SART3: variants seen among roughly 807,000 people sequenced by gnomAD.
The protein encoded by SART3 is spliceosome associated factor 3, U4/U6 recycling protein.
In SART3, 44 loss-of-function variants were observed where a neutral mutation model predicts 122.3. The ratio of observed to expected loss-of-function variants is 0.36; its 90% CI spans 0.28 to 0.46. The LOEUF is 0.46. Among genes scored for constraint, SART3 ranks in the 20% least tolerant of loss-of-function variants. The probability of loss-of-function intolerance (pLI) is 1.00; values close to 1 mark genes in which losing one functional copy is unlikely to be tolerated. For missense variants in SART3, 1,101 were observed against 1,229.0 expected, an observed-to-expected ratio of 0.90 and a Z score of 1.56; for synonymous variants, 442 against 454.0, an observed-to-expected ratio of 0.97 and a Z score of 0.34.
rs374932595 is a variant in SART3 at position 108,536,619 on chromosome 12, T to C, written c.1388-47A>G. 1.5e-4 allele frequency: 242 copies of C among 1,610,880 alleles called. No individual in the cohort carries two copies. The South Asian group carries it at 1.8e-3, about 12-fold the overall frequency. On this transcript the variant is annotated intron_variant, in intron 10 of 18. Transcript: ENST00000546815. ...AATTAGAAAGGAACTTGGAGACAGA[T>C]AGTCGCTGGCTGAAAAGGTACATCA...
In SART3 at chr12:108,523,519, C is replaced by T. The variant is rs770440201; in HGVS notation, c.2830G>A (p.Ala944Thr). Residue 944 changes from alanine (A) to threonine (T), a missense_variant, in exon 19 of 19, where the codon GCA becomes ACA. By Grantham distance (58) the Ala-to-Thr change is moderately conservative (BLOSUM62 0). Around this residue, in one of 2 missense-constraint regions of SART3, gnomAD observed 885 missense variants for 1,080.1 expected, o/e 0.82. Coordinates refer to ENST00000546815, the MANE Select transcript of SART3 (RefSeq NM_014706.4). The part of the protein sequence containing the change: ...PAAAPAVAAP[A>T]ATEAPKMSNA... Reference sequence around the variant, plus strand: ...GACATCTTGGGTGCCTCGGTGGCTGCTGGGGCGGCAACTGCAGGAGCCGCG... The same window carrying T: ...GACATCTTGGGTGCCTCGGTGGCTGTTGGGGCGGCAACTGCAGGAGCCGCG... 20 of 1,613,554 alleles carry T rather than the reference C, an allele frequency of 1.2e-5. No individual in the cohort carries two copies. Among genetic ancestry groups the T allele is most frequent in the Admixed American group, 8.3e-5 (5 of 60,004 alleles).
intron 12 of SART3, among the ~76,000 whole-genome samples, chr12:108,533,531 T>C (rs1249825641): frequency 6.6e-6 from 1 of 152,194 alleles, no homozygotes. Context: ...GCAGACATTT[T>C]TGAAAATTAA....
chr12:108,546,683 C>T (rs769099365), intron 3 of SART3, among the ~76,000 whole-genome samples: 11 of 151,976 alleles, frequency 7.2e-5, no homozygotes, highest in African/African-American at 1.7e-4. Context: ...CCACCCCGCC[C>T]GGCTAATTGT....
At chr12:108,545,881 G>A (rs560971118) in intron 3 of SART3, among the ~76,000 whole-genome samples, 10 of 147,476 alleles carry the variant, frequency 6.8e-5, no homozygotes, top group Middle Eastern at 3.5e-3. Flanking sequence ...CAGGAGAATC[G>A]CTTGAACCTG....
rs1249441150 is a variant in SART3 at position 108,523,199 on chromosome 12, T to C, written c.*258A>G. 3.5e-6 allele frequency: 2 copies of C among 574,828 alleles called. No individual in the cohort carries two copies. The highest frequency in any genetic ancestry group is 2.9e-5 in the East Asian group (1 of 34,046). The allele number at this position is 574,828 out of a possible 1,614,324, so 35.6% of individuals were successfully genotyped here. Reference sequence around the variant, plus strand: ...CGCTTCTGTGCCTCAGTCTTTAAGATACAAAACTATCTCAGGACACCACAT... The same window carrying C: ...CGCTTCTGTGCCTCAGTCTTTAAGACACAAAACTATCTCAGGACACCACAT... On this transcript the variant is annotated 3_prime_UTR_variant, in exon 19 of 19. Transcript: ENST00000546815.
intron 9 of SART3, 80 bp downstream of exon 9, chr12:108,537,408 T>C (rs565201221): frequency 7.8e-6 from 8 of 1,030,966 alleles, no homozygotes; most frequent in Middle Eastern, 2.2e-4. Flanking sequence ...TCACAATGTA[T>C]CTGGGGAACT....
chr12:108,530,004 G>T, intron 15 of SART3, 138 bp downstream of exon 15: 1 of 1,022,532 alleles, frequency 9.8e-7, no homozygotes, highest in Non-Finnish European at 1.5e-6. Flanking sequence ...TTGTTTGCAA[G>T]ACATACACCC....
intron 17 of SART3, chr12:108,524,993 C>A: frequency 7.0e-6 from 2 of 285,948 alleles, no homozygotes; most frequent in South Asian, 3.6e-5. Context: ...ACTTACTACT[C>A]AAAATGGGGC....
At chr12:108,532,638 G>A (rs897095866) in intron 12 of SART3, 3 of 371,590 alleles carry the variant, frequency 8.1e-6, no homozygotes, top group African/African-American at 6.3e-5. Flanking sequence ...ACATGGCGGG[G>A]GAGTCCAACA....
Position 108,525,540 on chromosome 12 carries a change from T to C in SART3, c.2440A>G (p.Lys814Glu), listed in dbSNP as rs1456562902. The C allele has an allele frequency of 3.1e-6, 5 of 1,614,054 alleles. No homozygotes were observed. In the African/African-American group the frequency reaches 6.7e-5, roughly 22 times the overall value. ...FISGLPFSCT[K>E]EELEEICKAH... ...TTACAGATTTCTTCTAGTTCCTCTT[T>C]AGTACAGGAGAAAGGCAGGCCTGAG... The change falls in exon 17 of 19, where the codon AAA becomes GAA. Residue 814 changes from lysine (K) to glutamate (E), a missense_variant. Physicochemically the swap from Lys to Glu is moderately conservative, Grantham distance 56. Around this residue, in one of 2 missense-constraint regions of SART3, gnomAD observed 885 missense variants for 1,080.1 expected, o/e 0.82. Coordinates refer to ENST00000546815, the MANE Select transcript of SART3 (RefSeq NM_014706.4).
At chr12:108,540,232 AAC>A (rs1220854262) in intron 6 of SART3, among the ~76,000 whole-genome samples, 1 of 152,252 alleles carries the variant, frequency 6.6e-6, no homozygotes, top group Non-Finnish European at 1.5e-5. Context: ...CAACAGCAAC[AAC>A]AGACATCAGA....
In SART3 at chr12:108,545,106, C is replaced by T. The variant is rs144117610; in HGVS notation, c.729+33G>A. ...TCCAAGGAGACTTACAAAGACAGCC[C>T]CAACCCGTTCAGAGACAACCACAGG... On this transcript the variant is annotated intron_variant, in intron 4 of 18. Coordinates refer to ENST00000546815, the MANE Select transcript of SART3 (RefSeq NM_014706.4). 13,266 of 1,607,282 alleles carry T rather than the reference C, an allele frequency of 8.3e-3. 74 individuals are homozygous for T. The highest frequency in any genetic ancestry group is 9.7e-3 in the Non-Finnish European group (11,442 of 1,173,896).
chr12:108,548,063 T>A, intron 2 of SART3, 72 bp from the exon 3 acceptor site: 1 of 1,283,120 alleles, frequency 7.8e-7, no homozygotes. Context: ...CCAAGAGACA[T>A]CAGCATGCAA....
At position 108,547,892 on chromosome 12, in the gene SART3, T is replaced by C. The variant is rs925762211; in HGVS notation, c.539A>G (p.Tyr180Cys). The C allele has an allele frequency of 1.6e-5, 26 of 1,612,486 alleles. No homozygotes were observed. The highest frequency in any genetic ancestry group is 2.0e-5 in the Non-Finnish European group (24 of 1,179,048). The part of the protein sequence containing the change: ...YDLFEKAVKD[Y>C]ICPNIWLEYG... ...AAAAGTCCACGGGAACTTACAAATGTAATCCTTCACGGCTTTCTCAAAGAG... is the reference window on the plus strand; with the variant it reads ...AAAAGTCCACGGGAACTTACAAATGCAATCCTTCACGGCTTTCTCAAAGAG... Residue 180 changes from tyrosine (Y) to cysteine (C), a missense_variant, in exon 3 of 19, where the codon TAC becomes TGC. Coordinates refer to ENST00000546815, the MANE Select transcript of SART3 (RefSeq NM_014706.4).
intron 1 of SART3, among the ~76,000 whole-genome samples, chr12:108,552,607 C>A (rs1331054199): frequency 6.7e-6 from 1 of 150,124 alleles, no homozygotes; most frequent in African/African-American, 2.4e-5. Flanking sequence ...TACAATCACT[C>A]CAAAAAACCT....
chr12:108,542,228 C>A (rs983171947), intron 6 of SART3, among the ~76,000 whole-genome samples: 2 of 152,158 alleles, frequency 1.3e-5, no homozygotes, highest in Non-Finnish European at 2.9e-5. Flanking sequence ...CAAGAAAATA[C>A]AAATTAAAAC....
In SART3 at chr12:108,525,444, C is replaced by T; in HGVS notation, c.2523+13G>A. On this transcript the variant is annotated intron_variant, in intron 17 of 18. Coordinates refer to ENST00000546815, the MANE Select transcript of SART3 (RefSeq NM_014706.4). The stretch of plus-strand genomic sequence containing the variant: ...AGCCTTGAAGACAAGGCACAATCTG[C>T]TCTGACTCTGACCTTTGGTTTGCCA... The T allele has an allele frequency of 6.2e-7, 1 of 1,614,064 alleles. No individual in the cohort carries two copies. Among genetic ancestry groups the T allele is most frequent in the South Asian group, 1.1e-5 (1 of 91,080 alleles).
chr12:108,547,842 T>C lies in SART3; in HGVS notation c.544+45A>G, dbSNP rs374624668. 65 of 1,369,108 alleles carry C rather than the reference T, an allele frequency of 4.7e-5. 1 individual carries two copies. In the East Asian group the frequency reaches 1.0e-3, roughly 21 times the overall value. 84.8% of individuals were successfully genotyped at this position (1,369,108 alleles called of 1,614,324 possible). A position where few individuals can be genotyped will look rare whatever the true frequency, so the allele number is the denominator to read the frequency against. On this transcript the variant is annotated intron_variant, in intron 3 of 18. Coordinates refer to ENST00000546815, the MANE Select transcript of SART3 (RefSeq NM_014706.4). ...TACAGTCCTCAACAGCAGACTGATA[T>C]ATATGACATTGCCAGATATCCAAAA...
Position 108,531,260 on chromosome 12 carries a change from T to C in SART3, c.1690A>G (p.Ile564Val), listed in dbSNP as rs755082369. The change falls in exon 14 of 19, where the codon ATA (isoleucine) becomes GTA (valine). Residue 564 changes from isoleucine (I) to valine (V), a missense_variant. Transcript: ENST00000546815. ...CGGGTTTCAGTTTTCTGAACAGCTA[T>C]ATCCCAATCTTCTAAAGAACCTTGA... is the stretch of plus-strand genomic sequence containing the variant. ...RTEGSLEDWD[I>V]AVQKTETRLA... is the part of the protein sequence containing the mutation. 5 of 1,613,682 alleles carry C rather than the reference T, an allele frequency of 3.1e-6. No homozygotes were observed. Among genetic ancestry groups the C allele is most frequent in the East Asian group, 2.2e-5 (1 of 44,864 alleles).
Sources: allele counts gnomAD v4.1 joint callset (sites outside exome capture counted in the v4.1 genomes callset), GRCh38; gene constraint gnomAD v4.1.1; regional missense constraint gnomAD v4.1.1; transcripts MANE v1.5; gene names NCBI Gene and HGNC (gene_info 2026-07-23, HGNC 2026-07-21).